The following MAGI2 variants were observed in gnomAD, a reference collection of about 807,000 sequenced individuals.
MAGI2 encodes the protein membrane associated guanylate kinase, WW and PDZ domain containing 2, also known as membrane-associated guanylate kinase, WW and PDZ domain-containing protein 2.
Under a neutral mutation model 133.3 loss-of-function variants are expected in MAGI2, and 35 were observed. The ratio of observed to expected loss-of-function variants is 0.26; its 90% CI spans 0.20 to 0.35. MAGI2 has a LOEUF of 0.35. MAGI2 is among the 10% of genes least tolerant of loss of function. The pLI, the probability that MAGI2 is intolerant of heterozygous loss-of-function variation, is 1.00. For synonymous variants in MAGI2, 729 were observed against 710.6 expected (o/e 1.03, Z -0.41); for missense variants, 1,636 against 1,863.4 (o/e 0.88, Z 2.25).
intron 6 of MAGI2, among the ~76,000 whole-genome samples, chr7:78,422,554 TAGA>T (rs1798896375): frequency 6.7e-6 from 1 of 148,852 alleles, no homozygotes; most frequent in African/African-American, 2.5e-5. Flanking sequence ...CTATTATTTC[TAGA>T]AGGTGAATGT....
In MAGI2 at chr7:79,119,051, G is replaced by C. The variant is rs118169941; in HGVS notation, c.302-111845C>G. ...TGGTCACAGAGTTTCAGTTCTAAAT[G>C]TTTCTACTTGCTTTATTTTCCCTAT... On this transcript the variant is annotated intron_variant, in intron 1 of 21. Coordinates refer to ENST00000354212, the MANE Select transcript of MAGI2 (RefSeq NM_012301.4). Among the ~76,000 whole-genome samples, 409 of 152,170 alleles carry C rather than the reference G, an allele frequency of 2.7e-3. 3 individuals are homozygous for C. The highest frequency in any genetic ancestry group is 3.6e-3 in the Non-Finnish European group (246 of 67,976).
At position 79,086,580 on chromosome 7, in the gene MAGI2, T is replaced by A. The variant is rs535348160; in HGVS notation, c.302-79374A>T. On this transcript the variant is annotated intron_variant, in intron 1 of 21. Transcript: ENST00000354212. The stretch of plus-strand genomic sequence containing the variant: ...TTTTGACATTTTTATTTATTTATTT[T>A]TTTGCCAGTGTTCTCATAGTTTAAT... 6.5e-4 allele frequency among the ~76,000 whole-genome samples: 99 copies of A among 152,006 alleles called. 5 individuals carry two copies. The South Asian group carries it at 0.014, about 22-fold the overall frequency.
At chr7:79,154,934 T>C (rs1175757386) in intron 1 of MAGI2, among the ~76,000 whole-genome samples, 2 of 152,238 alleles carry the variant, frequency 1.3e-5, no homozygotes, top group South Asian at 2.1e-4. Flanking sequence ...ATTTTGCGCA[T>C]GGCTTGCACA....
intron 3 of MAGI2, among the ~76,000 whole-genome samples, chr7:78,619,298 C>T (rs1206285493): frequency 1.3e-5 from 2 of 151,768 alleles, no homozygotes; most frequent in Non-Finnish European, 2.9e-5. Flanking sequence ...ATCACAGTTT[C>T]AGAACCCTAG....
intron 1 of MAGI2, among the ~76,000 whole-genome samples, chr7:79,199,213 A>G (rs1168730748): frequency 1.3e-5 from 2 of 152,068 alleles, no homozygotes; most frequent in African/African-American, 4.8e-5. Flanking sequence ...CCAAGTATGC[A>G]TAATGATTCC....
chr7:78,660,000 T>A (rs1384732424), intron 2 of MAGI2, among the ~76,000 whole-genome samples: 2 of 152,114 alleles, frequency 1.3e-5, no homozygotes, highest in Non-Finnish European at 2.9e-5. Context: ...GAAACCATCA[T>A]TCTCAGCAAA....
At chr7:79,161,163 G>A (rs1165135298) in intron 1 of MAGI2, among the ~76,000 whole-genome samples, 1 of 151,982 alleles carries the variant, frequency 6.6e-6, no homozygotes, top group Non-Finnish European at 1.5e-5. Context: ...AATGTCTTAT[G>A]AAAATGGGTA....
intron 21 of MAGI2, among the ~76,000 whole-genome samples, chr7:78,076,917 T>C (rs1000643519): frequency 6.6e-6 from 1 of 151,950 alleles, no homozygotes; most frequent in Admixed American, 6.5e-5. Context: ...TCTTGAATTT[T>C]TGTCTTGTTC....
chr7:78,423,759 C>T (rs1400631805), intron 6 of MAGI2, among the ~76,000 whole-genome samples: 2 of 152,108 alleles, frequency 1.3e-5, no homozygotes, highest in Non-Finnish European at 2.9e-5. Flanking sequence ...AGACTGCCGG[C>T]ATTTTGGCCC....
rs546164787 is a variant in MAGI2, at chr7:78,775,844, A to T, written c.419-148605T>A. Among the ~76,000 whole-genome samples the T allele has an allele frequency of 9.2e-5, 14 of 152,354 alleles. 1 individual carries two copies. In the South Asian group the frequency reaches 2.9e-3, roughly 32 times the overall value. ...CCAACGCAACTGGTGCTACACAATTAACACTGTATTGTATCTTATTCTCTA... is the reference window on the plus strand; with the variant it reads ...CCAACGCAACTGGTGCTACACAATTTACACTGTATTGTATCTTATTCTCTA... On this transcript the variant is annotated intron_variant, in intron 2 of 21. Transcript: ENST00000354212.
chr7:79,327,995 A>G (rs1311727288), intron 1 of MAGI2, among the ~76,000 whole-genome samples: 1 of 152,180 alleles, frequency 6.6e-6, no homozygotes, highest in Non-Finnish European at 1.5e-5. Flanking sequence ...TTCAATATAT[A>G]TCATAACTTA....
chr7:78,970,329 G>T (rs935477491), intron 2 of MAGI2, among the ~76,000 whole-genome samples: 1 of 151,970 alleles, frequency 6.6e-6, no homozygotes, highest in Non-Finnish European at 1.5e-5. Flanking sequence ...CCCTTTAAGA[G>T]ATATTTGTTG....
chr7:78,022,141 T>C (rs765098236), intron 21 of MAGI2, among the ~76,000 whole-genome samples: 6 of 152,176 alleles, frequency 3.9e-5, no homozygotes, highest in Non-Finnish European at 8.8e-5. Flanking sequence ...CCAATGAAAA[T>C]GAGAATGTGT....
At chr7:78,799,726 C>T (rs1182976525) in intron 2 of MAGI2, among the ~76,000 whole-genome samples, 3 of 152,138 alleles carry the variant, frequency 2.0e-5, no homozygotes, top group African/African-American at 4.8e-5. Context: ...CTCAGAAGTG[C>T]TTTACTTCTG....
At chr7:78,849,537 T>C (rs911377505) in intron 2 of MAGI2, among the ~76,000 whole-genome samples, 8 of 151,886 alleles carry the variant, frequency 5.3e-5, no homozygotes, top group Admixed American at 4.6e-4. Flanking sequence ...ATTTAAAGTA[T>C]AGGAAATAGG....
At chr7:78,270,886 G>A (rs1328888117) in intron 9 of MAGI2, among the ~76,000 whole-genome samples, 3 of 151,972 alleles carry the variant, frequency 2.0e-5, no homozygotes, top group African/African-American at 7.2e-5. Flanking sequence ...CCACATAATT[G>A]GAAGTATTGC....
At chr7:79,155,083 C>G (rs1396701753) in intron 1 of MAGI2, among the ~76,000 whole-genome samples, 1 of 152,156 alleles carries the variant, frequency 6.6e-6, no homozygotes, top group East Asian at 1.9e-4. Flanking sequence ...TTTCACAAGG[C>G]ACATCCCATG....
intron 10 of MAGI2, chr7:78,254,409 T>A (rs1408268473): frequency 6.6e-6 from 1 of 152,212 alleles, no homozygotes; most frequent in African/African-American, 2.4e-5. Flanking sequence ...TATGAAGATA[T>A]GGCTATTTAA....
chr7:78,093,008 T>C (rs907589907), intron 20 of MAGI2, among the ~76,000 whole-genome samples: 2 of 150,792 alleles, frequency 1.3e-5, no homozygotes, highest in Non-Finnish European at 3.0e-5. Flanking sequence ...TGGTGGGGGG[T>C]GCCTGTAGTC....
Sources: allele counts gnomAD v4.1 joint callset (sites outside exome capture counted in the v4.1 genomes callset), GRCh38; gene constraint gnomAD v4.1.1; transcripts MANE v1.5; gene names NCBI Gene and HGNC (gene_info 2026-07-23, HGNC 2026-07-21).